The following COX7B2 variants were observed in gnomAD, a reference collection of about 807,000 sequenced individuals.
COX7B2 encodes the protein cytochrome c oxidase subunit 7B2, mitochondrial.
For missense variants in COX7B2, 109 were observed against 95.9 expected (o/e 1.14, Z -0.57); for synonymous variants, 37 against 32.1 (o/e 1.15, Z -0.51).
intron 1 of COX7B2, among the ~76,000 whole-genome samples, chr4:46,883,091 A>G (rs1361732534): frequency 2.0e-5 from 3 of 152,222 alleles, no homozygotes; most frequent in African/African-American, 7.2e-5. Flanking sequence ...TTTAATGAAA[A>G]TAATCAAAAC....
chr4:46,804,240 A>G (rs534286098), intron 2 of COX7B2, among the ~76,000 whole-genome samples: 1 of 152,242 alleles, frequency 6.6e-6, no homozygotes, highest in African/African-American at 2.4e-5. Flanking sequence ...GGTAGTGCGG[A>G]CCCAAAGAGT....
chr4:46,823,696 T>G (rs2109702194), intron 2 of COX7B2, among the ~76,000 whole-genome samples: 1 of 150,928 alleles, frequency 6.6e-6, no homozygotes, highest in African/African-American at 2.4e-5. Context: ...TTACAAAAAT[T>G]GAAAAAAATG....
intron 2 of COX7B2, among the ~76,000 whole-genome samples, chr4:46,791,412 T>C (rs1718040637): frequency 6.6e-6 from 1 of 152,370 alleles, no homozygotes; most frequent in East Asian, 1.9e-4. Context: ...TGATTGGTTT[T>C]AAGTTTATAG....
intron 1 of COX7B2, among the ~76,000 whole-genome samples, chr4:46,900,104 T>C (rs758575260): frequency 1.3e-5 from 2 of 152,200 alleles, no homozygotes; most frequent in Non-Finnish European, 2.9e-5. Context: ...GATCCAAAAT[T>C]AAACTTAGCT....
At chr4:46,885,461 T>C (rs1051480944) in intron 1 of COX7B2, among the ~76,000 whole-genome samples, 2 of 152,160 alleles carry the variant, frequency 1.3e-5, no homozygotes, top group Non-Finnish European at 2.9e-5. Context: ...AAGTTCCAAA[T>C]GATTTTGTAG....
chr4:46,771,538 C>G (rs1304288598), intron 2 of COX7B2, among the ~76,000 whole-genome samples: 2 of 151,918 alleles, frequency 1.3e-5, no homozygotes, highest in Non-Finnish European at 2.9e-5. Context: ...AGAGGTGTTA[C>G]AGATTTCAGA....
intron 2 of COX7B2, among the ~76,000 whole-genome samples, chr4:46,797,690 A>C (rs1718438171): frequency 6.6e-6 from 1 of 152,184 alleles, no homozygotes; most frequent in East Asian, 1.9e-4. Context: ...CCACATCTCC[A>C]TTCAACTTGG....
At chr4:46,792,223 A>T (rs1263966651) in intron 2 of COX7B2, among the ~76,000 whole-genome samples, 1 of 152,216 alleles carries the variant, frequency 6.6e-6, no homozygotes, top group Non-Finnish European at 1.5e-5. Flanking sequence ...GTACTTCTAC[A>T]TATATTGAAC....
rs555141036 is a variant in COX7B2, at chr4:46,814,617, T to C, written c.-50+30343A>G. ...AAACATATATGTAAAGTAAGAGTTATATACCTCATACTAATGAACGACAGT... is the reference window on the plus strand; with the variant it reads ...AAACATATATGTAAAGTAAGAGTTACATACCTCATACTAATGAACGACAGT... On this transcript the variant is annotated intron_variant, in intron 2 of 2. Coordinates refer to ENST00000355591, the MANE Select transcript of COX7B2 (RefSeq NM_130902.3). 5.9e-5 allele frequency among the ~76,000 whole-genome samples: 9 copies of C among 152,346 alleles called. No homozygotes were observed. In the South Asian group the frequency reaches 1.9e-3, roughly 32 times the overall value.
intron 2 of COX7B2, among the ~76,000 whole-genome samples, chr4:46,799,339 G>A (rs1375917710): frequency 1.3e-5 from 2 of 151,928 alleles, no homozygotes; most frequent in South Asian, 2.1e-4. Flanking sequence ...CTTCCTATTT[G>A]GATGCCTTTT....
At chr4:46,864,488 A>T (rs929369846) in intron 1 of COX7B2, among the ~76,000 whole-genome samples, 2 of 152,186 alleles carry the variant, frequency 1.3e-5, no homozygotes, top group African/African-American at 4.8e-5. Flanking sequence ...AAGAGAAATC[A>T]TCAAAATATT....
At chr4:46,774,398 A>C (rs921152335) in intron 2 of COX7B2, among the ~76,000 whole-genome samples, 1 of 151,856 alleles carries the variant, frequency 6.6e-6, no homozygotes, top group Non-Finnish European at 1.5e-5. Flanking sequence ...ACATTTTGCT[A>C]CAGTGCTTTA....
chr4:46,768,028 C>T (rs11939155), intron 2 of COX7B2, among the ~76,000 whole-genome samples: 1,936 of 152,360 alleles, frequency 0.013, 16 homozygotes, highest in Non-Finnish European at 0.018. Flanking sequence ...GCAGCGTCAG[C>T]GGTTGCCCGC....
chr4:46,743,371 A>C (rs893219518), intron 2 of COX7B2, among the ~76,000 whole-genome samples: 8 of 152,190 alleles, frequency 5.3e-5, no homozygotes, highest in African/African-American at 1.9e-4. Flanking sequence ...ACCTCTGAGA[A>C]TCTGTCTCAT....
intron 2 of COX7B2, among the ~76,000 whole-genome samples, chr4:46,752,847 C>T (rs1330284732): frequency 1.3e-5 from 2 of 152,092 alleles, no homozygotes; most frequent in African/African-American, 2.4e-5. Context: ...ATTTTTGCAT[C>T]GATGTTCATC....
At chr4:46,840,556 T>C (rs1373806052) in intron 2 of COX7B2, among the ~76,000 whole-genome samples, 2 of 152,028 alleles carry the variant, frequency 1.3e-5, no homozygotes, top group Non-Finnish European at 2.9e-5. Flanking sequence ...TCCTGCCCAC[T>C]AATGGCTGAT....
intron 1 of COX7B2, among the ~76,000 whole-genome samples, chr4:46,852,895 C>T (rs1250810344): frequency 2.0e-5 from 3 of 152,016 alleles, no homozygotes; most frequent in African/African-American, 7.2e-5. Flanking sequence ...AAATAGATCC[C>T]GAGTGTAGTG....
intron 2 of COX7B2, among the ~76,000 whole-genome samples, chr4:46,812,370 T>TA (rs71654851): frequency 2.8e-4 from 41 of 148,612 alleles, no homozygotes; most frequent in African/African-American, 2.5e-4. Flanking sequence ...GAATAAAAAT[T>TA]AAAAAAAAAA....
At chr4:46,843,663 A>C (rs1024845422) in intron 2 of COX7B2, among the ~76,000 whole-genome samples, 1 of 152,074 alleles carries the variant, frequency 6.6e-6, no homozygotes, top group Admixed American at 6.6e-5. Context: ...TACTGCAAAC[A>C]GTTCACAATT....
Sources: gnomAD v4.1 joint callset for allele counts (sites outside exome capture counted in the v4.1 genomes callset) on GRCh38, gnomAD v4.1.1 for gene constraint, MANE v1.5 for transcripts, NCBI Gene and HGNC (gene_info 2026-07-23, HGNC 2026-07-21) for gene names.